The following CREBBP variants were observed in gnomAD, a reference collection of about 807,000 sequenced individuals.
The protein encoded by CREBBP is CREB-binding protein.
Under a neutral mutation model 265.0 loss-of-function variants are expected in CREBBP, and 19 were observed. The ratio of observed to expected loss-of-function variants is 0.07; its 90% CI spans 0.05 to 0.11. The LOEUF (loss-of-function observed/expected upper bound fraction) is 0.11, where lower values mean the gene tolerates loss of function less well. Among genes scored for constraint, CREBBP ranks in the 10% least tolerant of loss-of-function variants. CREBBP has a pLI of 1.00. For missense variants in CREBBP, 2,525 were observed against 3,219.0 expected (o/e 0.78, Z 5.22); for synonymous variants, 1,457 against 1,223.7 (o/e 1.19, Z -3.98).
chr16:3,790,243 T>C (rs1245309978), intron 5 of CREBBP, among the ~76,000 whole-genome samples: 1 of 152,106 alleles, frequency 6.6e-6, no homozygotes, highest in Non-Finnish European at 1.5e-5. Flanking sequence ...GTCCCAAATA[T>C]CTGGTTCTAG....
intron 7 of CREBBP, 41 bp from the exon 8 acceptor site, chr16:3,780,919 G>T: frequency 1.2e-6 from 2 of 1,610,266 alleles, no homozygotes; most frequent in South Asian, 2.2e-5. Context: ...CTACTGAAGT[G>T]ACTCAAACAC....
intron 2 of CREBBP, among the ~76,000 whole-genome samples, chr16:3,814,181 G>A (rs1482591707): frequency 6.7e-6 from 1 of 149,494 alleles, no homozygotes; most frequent in African/African-American, 2.5e-5. Context: ...GTGTGTGTGT[G>A]TGTGTGTGTG....
chr16:3,752,835 G>A (rs558524689), intron 19 of CREBBP, among the ~76,000 whole-genome samples: 67 of 152,242 alleles, frequency 4.4e-4, no homozygotes, highest in Non-Finnish European at 9.4e-4. Flanking sequence ...CCAATTTCTT[G>A]TAAGACAATA....
chr16:3,730,010 G>T, intron 30 of CREBBP, 136 bp from the exon 31 acceptor site: 1 of 1,434,396 alleles, frequency 7.0e-7, no homozygotes, highest in Non-Finnish European at 9.4e-7. Context: ...CAGACAGGAT[G>T]CGAGCACGGA....
intron 2 of CREBBP, among the ~76,000 whole-genome samples, chr16:3,848,155 G>C (rs2054708240): frequency 6.7e-6 from 1 of 149,866 alleles, no homozygotes; most frequent in African/African-American, 2.5e-5. Context: ...CTGGGCAACA[G>C]TGAAACTCCA....
intron 1 of CREBBP, among the ~76,000 whole-genome samples, chr16:3,871,847 G>A (rs774162697): frequency 2.0e-5 from 3 of 152,138 alleles, no homozygotes; most frequent in Non-Finnish European, 4.4e-5. Context: ...GGTGCAACTG[G>A]AAAATATACC....
In CREBBP at chr16:3,788,052, C is replaced by T. The variant is rs574884265; in HGVS notation, c.1330+3929G>A. Among the ~76,000 whole-genome samples the T allele has an allele frequency of 2.6e-5, 4 of 152,350 alleles. No homozygotes were observed. The South Asian group carries it at 8.3e-4, about 32-fold the overall frequency. On this transcript the variant is annotated intron_variant, in intron 5 of 30. Coordinates refer to ENST00000262367, the MANE Select transcript of CREBBP (RefSeq NM_004380.3). ...GCCAGGTGAAGCAGTGGGAGCTACA[C>T]TCATGGAGATGCCGGGCAGCAGCTG...
chr16:3,834,270 T>C (rs766965328), intron 2 of CREBBP, among the ~76,000 whole-genome samples: 13 of 152,234 alleles, frequency 8.5e-5, no homozygotes, highest in Non-Finnish European at 1.2e-4. Flanking sequence ...CACTGGTATT[T>C]ACCCAAAACA....
At chr16:3,879,685 C>G in intron 1 of CREBBP, 147 bp downstream of exon 1, 1 of 895,424 alleles carries the variant, frequency 1.1e-6, no homozygotes, top group East Asian at 2.6e-5. Context: ...CTTCCACCCT[C>G]CCGCGCGGGG....
At position 3,770,698 on chromosome 16, in the gene CREBBP, C is replaced by T. The variant is rs2141200520; in HGVS notation, c.2752G>A (p.Val918Ile). The change falls in exon 14 of 31, where the codon GTC becomes ATC. Residue 918 changes from valine to isoleucine, a missense_variant. By Grantham distance (29) the Val-to-Ile change is conservative (BLOSUM62 3). Coordinates refer to ENST00000262367, the MANE Select transcript of CREBBP (RefSeq NM_004380.3). ...SATQTQSTPT[V>I]QAAAQAQVTP... ...ACCTGGGCCTGGGCTGCTGCCTGGA[C>T]TGTAGGGGTGCTCTGGGTTTGGGTA... is the stretch of plus-strand genomic sequence containing the variant. 2 of 1,614,048 alleles carry T rather than the reference C, an allele frequency of 1.2e-6. No individual in the cohort carries two copies.
At chr16:3,738,800 C>G (rs552658422) in intron 25 of CREBBP, 128 bp from the exon 26 acceptor site, 1 of 703,094 alleles carries the variant, frequency 1.4e-6, no homozygotes, top group Non-Finnish European at 2.6e-6. Context: ...GGCTGCAATG[C>G]GGTGACGCGG....
At chr16:3,821,180 T>C (rs1256990776) in intron 2 of CREBBP, among the ~76,000 whole-genome samples, 1 of 152,226 alleles carries the variant, frequency 6.6e-6, no homozygotes, top group Non-Finnish European at 1.5e-5. Flanking sequence ...ATCTTTAAAG[T>C]TCTTTCTGAT....
rs1236687578 is a variant in CREBBP at position 3,879,929 on chromosome 16, G to T, written c.-13C>A. On this transcript the variant is annotated 5_prime_UTR_variant, in exon 1 of 31. Transcript: ENST00000262367. ...AGTTCTCAGCCATTTTCACCTGCTCGCGAAAACAGCCCCGGGCACGGGCGG... is the reference window on the plus strand; with the variant it reads ...AGTTCTCAGCCATTTTCACCTGCTCTCGAAAACAGCCCCGGGCACGGGCGG... 6.2e-7 allele frequency: 1 copy of T among 1,609,764 alleles called. No homozygotes were observed. Among genetic ancestry groups the T allele is most frequent in the Non-Finnish European group, 8.5e-7 (1 of 1,178,154 alleles).
intron 1 of CREBBP, among the ~76,000 whole-genome samples, chr16:3,854,602 T>C (rs993568490): frequency 5.3e-5 from 8 of 152,236 alleles, no homozygotes; most frequent in South Asian, 4.1e-4. Flanking sequence ...CGTGAGGCTA[T>C]CTTCTTGGCC....
rs142403441 is a variant in CREBBP at position 3,850,342 on chromosome 16, A to G, written c.753T>C (p.Thr251=). Residue 251 remains threonine, a synonymous_variant, in exon 2 of 31, where the codon ACT becomes ACC. Transcript: ENST00000262367. ...GTGCGGTGTTCAGTCCCGCGTGACC[A>G]GTCATTTGCGGGGAAACCTGCGTTA... The part of the protein sequence containing the change: ...ETLTQVSPQM[T]GHAGLNTAQA... 5.6e-6 allele frequency: 9 copies of G among 1,614,246 alleles called. No individual in the cohort carries two copies. In the East Asian group the frequency reaches 2.0e-4, roughly 36 times the overall value.
At chr16:3,773,505 A>T in intron 13 of CREBBP, 1 of 537,666 alleles carries the variant, frequency 1.9e-6, no homozygotes, top group Non-Finnish European at 3.3e-6. Flanking sequence ...ACAAAAGCAT[A>T]CAAACCAAAA....
At chr16:3,758,805 C>G in intron 17 of CREBBP, 49 bp downstream of exon 17, 5 of 1,357,682 alleles carry the variant, frequency 3.7e-6, no homozygotes, top group Non-Finnish European at 5.3e-6. Context: ...AATGGACACT[C>G]AGAAGTCACA....
At chr16:3,826,984 T>C (rs1373424848) in intron 2 of CREBBP, among the ~76,000 whole-genome samples, 2 of 152,108 alleles carry the variant, frequency 1.3e-5, no homozygotes, top group African/African-American at 4.8e-5. Context: ...TTTCTGTAAA[T>C]CTAAAACTGT....
intron 30 of CREBBP, 137 bp from the exon 31 acceptor site, chr16:3,730,011 C>A (rs771061134): frequency 7.1e-7 from 1 of 1,418,070 alleles, no homozygotes; most frequent in Non-Finnish European, 9.6e-7. Flanking sequence ...AGACAGGATG[C>A]GAGCACGGAC....
Sources: allele counts gnomAD v4.1 joint callset (sites outside exome capture counted in the v4.1 genomes callset), GRCh38; gene constraint gnomAD v4.1.1; transcripts MANE v1.5; gene names NCBI Gene and HGNC (gene_info 2026-07-23, HGNC 2026-07-21).